Variants in ZNF112 observed in about 807,000 individuals in gnomAD.
ZNF112 encodes zinc finger protein 112, also known as zinc finger protein 112 (Y14).
A neutral mutation model predicts 77.7 loss-of-function variants in ZNF112; 37 were observed. The ratio of observed to expected loss-of-function variants is 0.48; its 90% CI spans 0.37 to 0.63. The LOEUF is 0.63. Among genes scored for constraint, ZNF112 ranks in the 20% least tolerant of loss-of-function variants. ZNF112 has a pLI of 0.00. For missense variants in ZNF112, 950 were observed against 1,077.4 expected (o/e 0.88, Z 1.66); for synonymous variants, 333 against 363.6 (o/e 0.92, Z 0.96).
intron 1 of ZNF112, among the ~76,000 whole-genome samples, chr19:44,348,011 T>C (rs1174995296): frequency 6.6e-6 from 1 of 152,168 alleles, no homozygotes; most frequent in Non-Finnish European, 1.5e-5. Flanking sequence ...ATTAAAGATG[T>C]TTTTCCAATG....
rs114918549 is a variant in ZNF112 at position 44,335,629 on chromosome 19, A to G, written c.220+994T>C. 6.1e-3 allele frequency among the ~76,000 whole-genome samples: 932 copies of G among 152,324 alleles called. 15 individuals are homozygous for G. Among genetic ancestry groups the G allele is most frequent in the African/African-American group, 0.021 (893 of 41,582 alleles). ...GCTTTCTACATTTTTAAAGTGGTGT[A>G]AGAAAAACAAAGACTGTGACAAAGA... is the stretch of plus-strand genomic sequence containing the variant. On this transcript the variant is annotated intron_variant, in intron 3 of 3. Transcript: ENST00000354340.
intron 2 of ZNF112, among the ~76,000 whole-genome samples, chr19:44,339,702 G>A (rs1407843377): frequency 6.6e-6 from 1 of 152,108 alleles, no homozygotes; most frequent in African/African-American, 2.4e-5. Flanking sequence ...TGCTTTCAGT[G>A]AGTTCTGTGA....
At chr19:44,335,153 T>C (rs1970343165) in intron 3 of ZNF112, among the ~76,000 whole-genome samples, 2 of 152,258 alleles carry the variant, frequency 1.3e-5, no homozygotes, top group African/African-American at 2.4e-5. Flanking sequence ...ATGTGAGACA[T>C]GGAGTCAAAG....
At position 44,348,604 on chromosome 19, in the gene ZNF112, T is replaced by A. The variant is rs577053410; in HGVS notation, c.-4+8022A>T. On this transcript the variant is annotated intron_variant, in intron 1 of 3. Transcript: ENST00000354340. ...AAGTAGAAATGAACAAGAAAAAATA[T>A]CTGGACAATCTCCAAATGTTTGGAA... is the stretch of plus-strand genomic sequence containing the variant. Among the ~76,000 whole-genome samples, 5 of 152,226 alleles carry A rather than the reference T, an allele frequency of 3.3e-5. No homozygotes were observed. In the East Asian group the frequency reaches 9.6e-4, roughly 29 times the overall value.
chr19:44,345,131 G>A (rs868384772), intron 1 of ZNF112, among the ~76,000 whole-genome samples: 1 of 152,182 alleles, frequency 6.6e-6, no homozygotes, highest in African/African-American at 2.4e-5. Context: ...CCAGACCCAA[G>A]TCCAGGCTCT....
upstream of ZNF112, among the ~76,000 whole-genome samples, chr19:44,357,491 C>G (rs953568559): frequency 5.3e-5 from 8 of 152,120 alleles, no homozygotes; most frequent in Admixed American, 3.9e-4. Context: ...GGTGTGGACG[C>G]GTCTGAAACT....
At chr19:44,364,878 A>G (rs1386464930) in intron 1 of ZNF112, among the ~76,000 whole-genome samples, 2 of 152,162 alleles carry the variant, frequency 1.3e-5, no homozygotes, top group Admixed American at 1.3e-4. Context: ...CCAAGGGACT[A>G]CTGTATTCAG....
At position 44,329,320 on chromosome 19, in the gene ZNF112, G is replaced by C; in HGVS notation, c.837C>G (p.Pro279=). The C allele has an allele frequency of 6.2e-7, 1 of 1,613,688 alleles. No individual in the cohort carries two copies. Among genetic ancestry groups the C allele is most frequent in the South Asian group, 1.1e-5 (1 of 91,058 alleles). Residue 279 remains proline, a synonymous_variant, in exon 4 of 4, where the codon CCC becomes CCG. Coordinates refer to ENST00000354340, the MANE Select transcript of ZNF112 (RefSeq NM_013380.4). ...CCTTTCCACATGAACTGTATGTATA[G>C]GGCTTCCCTTCCAAGTGGAACTGCT... ...VHQQFHLEGK[P]YTYSSCGKGC...
upstream of ZNF112, among the ~76,000 whole-genome samples, chr19:44,358,852 A>G (rs1970825058): frequency 6.6e-6 from 1 of 151,998 alleles, no homozygotes; most frequent in South Asian, 2.1e-4. Context: ...TCTGCAGCCA[A>G]TCTTTCCCGA....
At chr19:44,346,845 T>C (rs1970599403) in intron 1 of ZNF112, among the ~76,000 whole-genome samples, 1 of 152,148 alleles carries the variant, frequency 6.6e-6, no homozygotes, top group African/African-American at 2.4e-5. Context: ...ATCTGCGAGC[T>C]CAAAGACAGG....
At chr19:44,355,564 T>C (rs1324078440) in intron 1 of ZNF112, among the ~76,000 whole-genome samples, 1 of 152,222 alleles carries the variant, frequency 6.6e-6, no homozygotes, top group African/African-American at 2.4e-5. Flanking sequence ...GGAAACTATT[T>C]GAATTCAAAT....
intron 3 of ZNF112, among the ~76,000 whole-genome samples, chr19:44,330,314 G>C (rs191616744): frequency 1.4e-3 from 212 of 152,248 alleles, no homozygotes; most frequent in Non-Finnish European, 2.4e-3. Flanking sequence ...AAGCATTTTG[G>C]AGAAGGGATA....
upstream of ZNF112, among the ~76,000 whole-genome samples, chr19:44,360,682 G>T (rs2043467): frequency 0.68 from 102,987 of 151,926 alleles, 35,335 homozygotes; most frequent in South Asian, 0.78. Context: ...GCAACAAATG[G>T]GGCGCTGCAG....
Position 44,329,144 on chromosome 19 carries a change from G to A in ZNF112, c.1013C>T (p.Ser338Phe), listed in dbSNP as rs1408723519. The A allele has an allele frequency of 6.2e-7, 1 of 1,613,764 alleles. No individual in the cohort carries two copies. The highest frequency in any genetic ancestry group is 1.3e-5 in the African/African-American group (1 of 74,928). Residue 338 changes from serine to phenylalanine, a missense_variant, in exon 4 of 4, where the codon TCC becomes TTC. Transcript: ENST00000354340. ...GEYGENFNHC[S>F]PLNTYELIHT... is the part of the protein sequence containing the mutation. ...GATAAGTTCATAAGTGTTAAGAGGG[G>A]AACAGTGATTGAAGTTCTCACCATA... is the stretch of plus-strand genomic sequence containing the variant.
Position 44,347,324 on chromosome 19 carries a change from C to T in ZNF112, c.-3-6782G>A, listed in dbSNP as rs867835163. ...ATATACTTGGTTCTTGCTTTTTATC[C>T]AATCTTACAATATATTTTAATTGAT... On this transcript the variant is annotated intron_variant, in intron 1 of 3. Coordinates refer to ENST00000354340, the MANE Select transcript of ZNF112 (RefSeq NM_013380.4). Among the ~76,000 whole-genome samples the T allele has an allele frequency of 4.6e-5, 7 of 151,914 alleles. 1 individual carries two copies. The South Asian group carries it at 1.0e-3, about 23-fold the overall frequency.
At chr19:44,366,981 C>A (rs1970910835) in intron 1 of ZNF112, 1 of 451,012 alleles carries the variant, frequency 2.2e-6, no homozygotes. Context: ...GGTGGCAGAA[C>A]TGCCTGGTCA....
At chr19:44,367,137 G>A (rs1470811665) in exon 1 of ZNF112, 2 of 456,200 alleles carry the variant, frequency 4.4e-6, no homozygotes, top group Non-Finnish European at 4.4e-6. Flanking sequence ...CGAAGACAAG[G>A]AGGGCCGCCG....
chr19:44,339,582 T>C (rs1470794891), intron 2 of ZNF112, among the ~76,000 whole-genome samples: 1 of 152,228 alleles, frequency 6.6e-6, no homozygotes, highest in Non-Finnish European at 1.5e-5. Context: ...AGATGACAAG[T>C]GGAAGCTGAC....
intron 3 of ZNF112, among the ~76,000 whole-genome samples, chr19:44,334,760 G>A (rs1473911536): frequency 6.6e-6 from 1 of 152,278 alleles, no homozygotes; most frequent in Non-Finnish European, 1.5e-5. Flanking sequence ...TGTTGGGCCT[G>A]TGGTGTGCAG....
Sources: gnomAD v4.1 joint callset for allele counts (sites outside exome capture counted in the v4.1 genomes callset) on GRCh38, gnomAD v4.1.1 for gene constraint, MANE v1.5 for transcripts, NCBI Gene and HGNC (gene_info 2026-07-23, HGNC 2026-07-21) for gene names.